ESRRG: variants seen among roughly 807,000 people sequenced by gnomAD.
ESRRG encodes the protein estrogen related receptor gamma.
ESRRG carries 13 observed loss-of-function variants against 44.0 expected under a neutral mutation model. That is an observed-to-expected ratio of 0.30 (90% confidence interval 0.19 to 0.47). The LOEUF (loss-of-function observed/expected upper bound fraction) is 0.47. Ranked by LOEUF, ESRRG falls within the 20% of genes least tolerant of loss-of-function variation. ESRRG has a pLI of 1.00. For synonymous variants in ESRRG, 215 were observed against 214.6 expected (o/e 1.00, Z -0.02); for missense variants, 395 against 580.6 (o/e 0.68, Z 3.29).
intron 1 of ESRRG, among the ~76,000 whole-genome samples, chr1:217,024,274 C>T (rs1214771767): frequency 2.0e-5 from 3 of 151,710 alleles, no homozygotes; most frequent in Admixed American, 1.3e-4. Flanking sequence ...AGGAGAATGG[C>T]GTGAACCCGG....
intron 3 of ESRRG, among the ~76,000 whole-genome samples, chr1:216,641,026 A>G (rs1416297980): frequency 6.6e-6 from 1 of 152,204 alleles, no homozygotes; most frequent in Non-Finnish European, 1.5e-5. Flanking sequence ...TATGTAACAT[A>G]TTAGATAAAT....
At chr1:216,654,747 G>A (rs2070003456) in intron 2 of ESRRG, among the ~76,000 whole-genome samples, 1 of 151,904 alleles carries the variant, frequency 6.6e-6, no homozygotes, top group South Asian at 2.1e-4. Flanking sequence ...AAAAGCTTCT[G>A]AGGAGTAAAG....
intron 1 of ESRRG, among the ~76,000 whole-genome samples, chr1:217,057,255 A>G (rs1393757451): frequency 2.6e-5 from 4 of 152,192 alleles, no homozygotes; most frequent in African/African-American, 9.7e-5. Context: ...AATGCTACAC[A>G]CACATGAAAA....
chr1:216,512,837 C>T (rs2043113996), intron 6 of ESRRG, among the ~76,000 whole-genome samples: 1 of 152,042 alleles, frequency 6.6e-6, no homozygotes, highest in African/African-American at 2.4e-5. Context: ...GGTGGGCCCT[C>T]AATGAAAGCA....
chr1:216,869,825 T>A (rs938288755), intron 2 of ESRRG, among the ~76,000 whole-genome samples: 3 of 152,096 alleles, frequency 2.0e-5, no homozygotes, highest in East Asian at 1.9e-4. Context: ...TTTTTTTAAA[T>A]TTTTTAAGTG....
chr1:216,642,458 G>A (rs984022323), intron 3 of ESRRG, among the ~76,000 whole-genome samples: 7 of 151,942 alleles, frequency 4.6e-5, no homozygotes, highest in Non-Finnish European at 1.0e-4. Context: ...ATAACTTTTT[G>A]TGGTACCTTA....
chr1:216,519,480 T>G, intron 5 of ESRRG, 59 bp from the exon 6 acceptor site: 1 of 1,493,816 alleles, frequency 6.7e-7, no homozygotes, highest in Non-Finnish European at 9.0e-7. Context: ...TAATGCAACA[T>G]TAGTTTCATA....
chr1:217,042,610 C>T (rs2084090416), intron 1 of ESRRG, among the ~76,000 whole-genome samples: 1 of 152,044 alleles, frequency 6.6e-6, no homozygotes, highest in Middle Eastern at 3.2e-3. Flanking sequence ...GCCCTTGCCC[C>T]ACAGGCCCAT....
At chr1:216,554,181 G>A (rs1208185242) in intron 5 of ESRRG, among the ~76,000 whole-genome samples, 4 of 151,952 alleles carry the variant, frequency 2.6e-5, no homozygotes, top group Non-Finnish European at 4.4e-5. Context: ...GAGGCTGAGC[G>A]CAGTAGCTCA....
rs547575740 is a variant in ESRRG at position 216,957,691 on chromosome 1, G to C, written c.-105-18018C>G. ...TCCTGGACCAGGGCAACAGCATCCCGACTGGTTTCCCTGTCTCCACCCTCG... is the reference window on the plus strand; with the variant it reads ...TCCTGGACCAGGGCAACAGCATCCCCACTGGTTTCCCTGTCTCCACCCTCG... On this transcript the variant is annotated intron_variant, in intron 1 of 7. Coordinates refer to the ESRRG transcript ENST00000359162. Among the ~76,000 whole-genome samples, 9 of 152,232 alleles carry C rather than the reference G, an allele frequency of 5.9e-5. No homozygotes were observed. In the East Asian group the frequency reaches 1.7e-3, roughly 29 times the overall value.
At chr1:216,781,875 A>C (rs2093950116) in intron 2 of ESRRG, among the ~76,000 whole-genome samples, 1 of 152,066 alleles carries the variant, frequency 6.6e-6, no homozygotes, top group South Asian at 2.1e-4. Context: ...ACAGTGGTAG[A>C]GAGACATGCC....
intron 3 of ESRRG, among the ~76,000 whole-genome samples, chr1:216,597,794 A>T (rs1173206241): frequency 6.8e-6 from 1 of 147,102 alleles, no homozygotes; most frequent in East Asian, 1.9e-4. Flanking sequence ...ATTTCAGCTT[A>T]TAATACTTCT....
chr1:216,714,236 T>C (rs578082467), intron 1 of ESRRG, among the ~76,000 whole-genome samples: 2 of 152,318 alleles, frequency 1.3e-5, no homozygotes, highest in East Asian at 3.9e-4. Flanking sequence ...GCAATCTCTT[T>C]GGAATTCAGA....
chr1:216,748,407 C>A (rs1352780272), intron 2 of ESRRG, among the ~76,000 whole-genome samples: 1 of 152,034 alleles, frequency 6.6e-6, no homozygotes, highest in Non-Finnish European at 1.5e-5. Context: ...GCCAGAAATT[C>A]CAAATAATTT....
At chr1:216,911,570 G>A in intron 2 of ESRRG, among the ~76,000 whole-genome samples, 1 of 152,240 alleles carries the variant, frequency 6.6e-6, no homozygotes, top group East Asian at 1.9e-4. Context: ...CACCCAGAGA[G>A]AATGCTATTG....
At chr1:216,868,074 T>C (rs1450153513) in intron 2 of ESRRG, among the ~76,000 whole-genome samples, 4 of 145,520 alleles carry the variant, frequency 2.7e-5, no homozygotes, top group Non-Finnish European at 6.0e-5. Flanking sequence ...TTGTGTATAT[T>C]GATCCTTTTT....
intron 1 of ESRRG, among the ~76,000 whole-genome samples, chr1:216,944,389 G>C (rs1195578999): frequency 6.6e-6 from 1 of 152,028 alleles, no homozygotes; most frequent in African/African-American, 2.4e-5. Context: ...AAAAGGAAGG[G>C]AAATAAATAA....
chr1:216,752,202 T>TA (rs1162672200), intron 2 of ESRRG, among the ~76,000 whole-genome samples: 22 of 152,064 alleles, frequency 1.4e-4, no homozygotes, highest in African/African-American at 2.6e-4. Context: ...AAAAATCCAG[T>TA]AAAAAAAATG....
chr1:217,091,625 T>C (rs959803302), upstream of ESRRG, among the ~76,000 whole-genome samples: 2 of 152,210 alleles, frequency 1.3e-5, no homozygotes, highest in Non-Finnish European at 2.9e-5. Context: ...CTCTCCACCT[T>C]GAAAATTGGA....
Sources: allele counts gnomAD v4.1 joint callset (sites outside exome capture counted in the v4.1 genomes callset), GRCh38; gene constraint gnomAD v4.1.1; transcripts MANE v1.5; gene names NCBI Gene and HGNC (gene_info 2026-07-23, HGNC 2026-07-21).